Variants in RGS20 observed in about 807,000 individuals in gnomAD.
RGS20 encodes the protein gz-selective GTPase-activating protein.
A neutral mutation model predicts 33.6 loss-of-function variants in RGS20; 30 were observed. That is an observed-to-expected ratio of 0.89 (90% CI 0.67 to 1.21). The LOEUF is 1.21. Among genes scored for constraint, RGS20 ranks in the 50% most tolerant of loss-of-function variants. RGS20 has a pLI of 0.00. For missense variants in RGS20, 472 were observed against 502.4 expected (o/e 0.94, Z 0.58); for synonymous variants, 208 against 197.9 (o/e 1.05, Z -0.43).
intron 1 of RGS20, among the ~76,000 whole-genome samples, chr8:53,862,315 T>C (rs1811827413): frequency 1.3e-5 from 2 of 152,152 alleles, no homozygotes; most frequent in South Asian, 4.2e-4. Flanking sequence ...GGAACACTCA[T>C]ATTAGATCCA....
At position 53,881,085 on chromosome 8, in the gene RGS20, G is replaced by T. The variant is rs771112293; in HGVS notation, c.510+1483G>T. On this transcript the variant is annotated intron_variant, in intron 2 of 5. Transcript: ENST00000297313. ...GGCCGGCAGGGTGGACGGTGGGCTC[G>T]TGAGTATCCCAGTTCCTCGAACTCT... 3.9e-6 allele frequency: 6 copies of T among 1,538,430 alleles called. No individual in the cohort carries two copies. The highest frequency in any genetic ancestry group is 4.6e-5 in the East Asian group (2 of 43,536).
At chr8:53,857,611 C>T (rs1035777757) in intron 1 of RGS20, among the ~76,000 whole-genome samples, 3 of 152,168 alleles carry the variant, frequency 2.0e-5, no homozygotes, top group Non-Finnish European at 4.4e-5. Context: ...GTAGTTAACA[C>T]AGCTTGAGCA....
intron 5 of RGS20, among the ~76,000 whole-genome samples, chr8:53,955,323 C>T (rs1477935754): frequency 1.3e-5 from 2 of 151,888 alleles, no homozygotes; most frequent in Non-Finnish European, 2.9e-5. Flanking sequence ...AAATATTATA[C>T]CCTAAGACGT....
At chr8:53,946,449 C>T (rs1814479924) in intron 3 of RGS20, 3 of 571,916 alleles carry the variant, frequency 5.2e-6, no homozygotes, top group Non-Finnish European at 6.3e-6. Flanking sequence ...AACTCTTTCT[C>T]AATAGTAGAA....
intron 5 of RGS20, among the ~76,000 whole-genome samples, chr8:53,954,594 G>A (rs923983538): frequency 1.3e-5 from 2 of 151,876 alleles, no homozygotes; most frequent in East Asian, 2.0e-4. Context: ...AACCTAGGAG[G>A]CAGAGGATGC....
intron 2 of RGS20, among the ~76,000 whole-genome samples, chr8:53,924,610 C>T (rs1813744038): frequency 6.6e-6 from 1 of 152,198 alleles, no homozygotes; most frequent in African/African-American, 2.4e-5. Context: ...AGGCATGAGC[C>T]ACCATGCCCA....
chr8:53,915,601 C>T (rs1813461471), intron 2 of RGS20, among the ~76,000 whole-genome samples: 1 of 152,154 alleles, frequency 6.6e-6, no homozygotes, highest in African/African-American at 2.4e-5. Context: ...GGTCGCTTCC[C>T]TTTTTCCTAG....
chr8:53,861,725 A>G (rs1283944059), intron 1 of RGS20, among the ~76,000 whole-genome samples: 1 of 152,244 alleles, frequency 6.6e-6, no homozygotes, highest in Non-Finnish European at 1.5e-5. Context: ...AATTTTACAG[A>G]CAGTTTTGTT....
chr8:53,908,184 G>C (rs111774916), intron 2 of RGS20, among the ~76,000 whole-genome samples: 2,554 of 152,282 alleles, frequency 0.017, 41 homozygotes, highest in Non-Finnish European at 0.026. Flanking sequence ...TCTTAGAAAT[G>C]TTCTTTATAG....
chr8:53,935,364 T>C (rs1388910986), intron 2 of RGS20, among the ~76,000 whole-genome samples: 1 of 152,072 alleles, frequency 6.6e-6, no homozygotes, highest in African/African-American at 2.4e-5. Context: ...CTAGCCAGAC[T>C]AATAAAGAAG....
chr8:53,853,813 A>C (rs1037848637), intron 1 of RGS20, among the ~76,000 whole-genome samples: 2 of 152,248 alleles, frequency 1.3e-5, no homozygotes, highest in African/African-American at 4.8e-5. Flanking sequence ...TCAATAACAT[A>C]AGATACCTAC....
chr8:53,859,229 C>T (rs896251325), intron 1 of RGS20, among the ~76,000 whole-genome samples: 5 of 152,196 alleles, frequency 3.3e-5, no homozygotes, highest in Non-Finnish European at 7.3e-5. Context: ...TCTATTTATA[C>T]ACCACAATGG....
chr8:53,913,153 A>G (rs887837312), intron 2 of RGS20, among the ~76,000 whole-genome samples: 3 of 152,026 alleles, frequency 2.0e-5, no homozygotes, highest in South Asian at 2.1e-4. Flanking sequence ...TTTGGTAGAG[A>G]TGGGGTTTCT....
intron 1 of RGS20, among the ~76,000 whole-genome samples, chr8:53,865,978 T>A (rs1811909561): frequency 6.6e-6 from 1 of 152,156 alleles, no homozygotes; most frequent in South Asian, 2.1e-4. Flanking sequence ...CAGAGCCTGA[T>A]GGGAAAACAG....
At chr8:53,861,056 G>T (rs901595644) in intron 1 of RGS20, among the ~76,000 whole-genome samples, 9 of 152,128 alleles carry the variant, frequency 5.9e-5, no homozygotes, top group African/African-American at 2.4e-5. Context: ...TTGAGTGATT[G>T]CAACTTTAAA....
At chr8:53,864,011 C>T (rs1204318715) in intron 1 of RGS20, among the ~76,000 whole-genome samples, 1 of 151,928 alleles carries the variant, frequency 6.6e-6, no homozygotes, top group Non-Finnish European at 1.5e-5. Context: ...ACAGGCATGA[C>T]ATTTTATCTT....
rs2129273245 is a variant in RGS20 at position 53,877,460 on chromosome 8, G to A, written c.166-1798G>A. 6.6e-6 allele frequency among the ~76,000 whole-genome samples: 1 copy of A among 152,310 alleles called. No individual in the cohort carries two copies. Among genetic ancestry groups the A allele is most frequent in the East Asian group, 1.9e-4 (1 of 5,154 alleles). ...AGCTGAGCCTCCACCCCAAGCCCCA[G>A]CCGGAGGGGCGCGTCCCCTGTCCTC... On this transcript the variant is annotated intron_variant, in intron 1 of 5. Transcript: ENST00000297313. The surrounding 1 kb of genome is among the most constrained non-coding windows in gnomAD (Gnocchi z 5.7).
Position 53,930,542 on chromosome 8 carries a change from G to GTTTTGTT in RGS20, c.511-9014_511-9008dup, listed in dbSNP as rs936325276. Among the ~76,000 whole-genome samples, 163 of 152,188 alleles carry GTTTTGTT rather than the reference G, an allele frequency of 1.1e-3. 2 individuals carry two copies. The highest frequency in any genetic ancestry group is 3.9e-3 in the African/African-American group (160 of 41,536). On this transcript the variant is annotated intron_variant, in intron 2 of 5. Transcript: ENST00000297313. The stretch of plus-strand genomic sequence containing the variant: ...ACTTCTGGAAATTAATTAGGATATG[G>GTTTTGTT]TTTTGTTTTTTGTTTTTTGTTTTTT...
intron 1 of RGS20, among the ~76,000 whole-genome samples, chr8:53,861,645 T>C (rs1410321237): frequency 6.6e-6 from 1 of 152,230 alleles, no homozygotes; most frequent in Non-Finnish European, 1.5e-5. Flanking sequence ...CTGAAGGATA[T>C]ATTTTTGAAG....
Sources: gnomAD v4.1 joint callset for allele counts (sites outside exome capture counted in the v4.1 genomes callset) on GRCh38, gnomAD v4.1.1 for gene constraint, Gnocchi (gnomAD v3.1) non-coding constraint, MANE v1.5 for transcripts, NCBI Gene and HGNC (gene_info 2026-07-23, HGNC 2026-07-21) for gene names.